The following CD6 variants were observed in gnomAD, a reference collection of about 807,000 sequenced individuals.
The protein encoded by CD6 is CD6 molecule, also known as T-cell differentiation antigen CD6.
CD6 carries 53 observed loss-of-function variants against 75.3 expected under a neutral mutation model. The observed-to-expected ratio is 0.70, with a 90% CI of 0.56 to 0.88. The LOEUF (loss-of-function observed/expected upper bound fraction) is 0.88. Ranked by LOEUF, CD6 falls within the 40% of genes least tolerant of loss-of-function variation. The pLI is 0.00. For synonymous variants in CD6, 359 were observed against 381.5 expected (o/e 0.94, Z 0.69); for missense variants, 770 against 897.1 (o/e 0.86, Z 1.81).
At chr11:61,013,646 G>T in intron 7 of CD6, 83 bp downstream of exon 7, 1 of 1,466,692 alleles carries the variant, frequency 6.8e-7, no homozygotes, top group African/African-American at 1.4e-5. Flanking sequence ...GCGTGGTCCA[G>T]CAATGACCAC....
At chr11:60,983,173 T>C (rs753103707) in intron 1 of CD6, among the ~76,000 whole-genome samples, 2 of 151,816 alleles carry the variant, frequency 1.3e-5, no homozygotes, top group Non-Finnish European at 2.9e-5. Flanking sequence ...CTCGGCTCAC[T>C]GCAACCTCCA....
At chr11:60,985,439 C>A (rs1486652579) in intron 1 of CD6, among the ~76,000 whole-genome samples, 1 of 152,046 alleles carries the variant, frequency 6.6e-6, no homozygotes, top group Admixed American at 6.6e-5. Context: ...CCCGTCTCAG[C>A]CTCCCAGAGT....
intron 1 of CD6, among the ~76,000 whole-genome samples, chr11:60,978,383 G>A (rs1857443056): frequency 6.6e-6 from 1 of 152,182 alleles, no homozygotes; most frequent in African/African-American, 2.4e-5. Flanking sequence ...GGGCACCCGA[G>A]TTCACCTCCC....
At chr11:60,973,572 CAT>C (rs143512201) in intron 1 of CD6, among the ~76,000 whole-genome samples, 11,595 of 152,192 alleles carry the variant, frequency 0.076, 610 homozygotes, top group Non-Finnish European at 0.12. Flanking sequence ...TAAAGGGAAA[CAT>C]AAAAACAAAT....
At chr11:60,982,562 C>T (rs974269980) in intron 1 of CD6, 3 of 455,914 alleles carry the variant, frequency 6.6e-6, no homozygotes, top group African/African-American at 4.0e-5. Context: ...GGAGGAGGCC[C>T]GTTCCCCACT....
rs568345819 is a variant in CD6, at chr11:60,990,988, C to T, written c.50-15586C>T. ...AATTTTCTTCTGTTACAAACAGTTC[C>T]GCAGAAAGTATCCCTGCACACATCT... On this transcript the variant is annotated intron_variant, in intron 1 of 12. Transcript: ENST00000313421. Among the ~76,000 whole-genome samples the T allele has an allele frequency of 1.3e-4, 19 of 151,914 alleles. 1 individual carries two copies. Among genetic ancestry groups the T allele is most frequent in the South Asian group, 8.3e-4 (4 of 4,800 alleles).
chr11:61,017,212 A>T, intron 9 of CD6: 1 of 498,304 alleles, frequency 2.0e-6, no homozygotes. Flanking sequence ...ATACCTCTCT[A>T]AGTAGCAGGA....
At chr11:60,976,584 G>A (rs1857371504) in intron 1 of CD6, among the ~76,000 whole-genome samples, 1 of 152,116 alleles carries the variant, frequency 6.6e-6, no homozygotes, top group East Asian at 1.9e-4. Context: ...ACTTACCAAG[G>A]AGGAAACAAT....
chr11:61,012,216 C>T (rs1369140060), intron 6 of CD6, among the ~76,000 whole-genome samples: 3 of 152,196 alleles, frequency 2.0e-5, no homozygotes, highest in African/African-American at 4.8e-5. Flanking sequence ...TGCCAGGCCC[C>T]GCAGGCAACC....
chr11:61,003,213 C>T (rs1858679553), intron 1 of CD6, among the ~76,000 whole-genome samples: 1 of 152,272 alleles, frequency 6.6e-6, no homozygotes, highest in East Asian at 1.9e-4. Context: ...AATCCACACG[C>T]CTTGGCCTCC....
chr11:61,005,379 T>C (rs1198098206), intron 1 of CD6, among the ~76,000 whole-genome samples: 1 of 152,100 alleles, frequency 6.6e-6, no homozygotes, highest in African/African-American at 2.4e-5. Context: ...GCCAGAGGAA[T>C]AAGTGTCACA....
At chr11:60,998,298 A>G (rs1349767625) in intron 1 of CD6, among the ~76,000 whole-genome samples, 1 of 152,224 alleles carries the variant, frequency 6.6e-6, no homozygotes, top group Non-Finnish European at 1.5e-5. Flanking sequence ...TGTAATGCAC[A>G]CAGATAACCG....
intron 1 of CD6, among the ~76,000 whole-genome samples, chr11:60,983,371 C>T (rs1330640474): frequency 6.6e-6 from 1 of 152,114 alleles, no homozygotes; most frequent in Non-Finnish European, 1.5e-5. Context: ...GGATTACAGA[C>T]GCGAGCCACT....
chr11:60,982,768 G>A (rs3019541), intron 1 of CD6: 366,755 of 455,762 alleles, frequency 0.8, 148,483 homozygotes, highest in East Asian at 0.98. Context: ...GGAGGAAAGC[G>A]AGGTGCGAAG....
At chr11:60,983,505 A>G (rs1281974961) in intron 1 of CD6, among the ~76,000 whole-genome samples, 3 of 152,008 alleles carry the variant, frequency 2.0e-5, no homozygotes, top group East Asian at 1.9e-4. Flanking sequence ...ACTGCTAACA[A>G]TTTTCCACAT....
intron 1 of CD6, among the ~76,000 whole-genome samples, chr11:60,972,817 G>A (rs1243002321): frequency 1.3e-5 from 2 of 152,130 alleles, no homozygotes; most frequent in African/African-American, 4.8e-5. Context: ...TGGTTTGGAG[G>A]ACTGGGTACA....
intron 1 of CD6, among the ~76,000 whole-genome samples, chr11:60,976,351 C>A (rs758562917): frequency 6.6e-6 from 1 of 152,132 alleles, no homozygotes; most frequent in Non-Finnish European, 1.5e-5. Flanking sequence ...TTGTCAAATT[C>A]TCTTAAATTT....
At position 61,010,719 on chromosome 11, in the gene CD6, A is replaced by G. The variant is rs185497898; in HGVS notation, c.1085-351A>G. Among the ~76,000 whole-genome samples the G allele has an allele frequency of 8.1e-4, 123 of 152,368 alleles. 1 individual carries two copies. The highest frequency in any genetic ancestry group is 6.5e-3 in the Admixed American group (99 of 15,304). On this transcript the variant is annotated intron_variant, in intron 5 of 12. Coordinates refer to ENST00000313421, the MANE Select transcript of CD6 (RefSeq NM_006725.5). The stretch of plus-strand genomic sequence containing the variant: ...CTGCCCAACGGGAATGCCGATTATG[A>G]TAATGAAGATAATGTCCGCTCTTCA...
At chr11:61,013,707 T>G in intron 7 of CD6, 144 bp downstream of exon 7, 1 of 948,274 alleles carries the variant, frequency 1.1e-6, no homozygotes, top group South Asian at 1.6e-5. Context: ...TTTCCCAGCA[T>G]GCCCAGCAGT....
Sources: gnomAD v4.1 joint callset for allele counts (sites outside exome capture counted in the v4.1 genomes callset) on GRCh38, gnomAD v4.1.1 for gene constraint, MANE v1.5 for transcripts, NCBI Gene and HGNC (gene_info 2026-07-23, HGNC 2026-07-21) for gene names.